Variants in UMOD observed in about 807,000 individuals in gnomAD.
The protein encoded by UMOD is uromodulin.
A neutral mutation model predicts 66.0 loss-of-function variants in UMOD; 64 were observed. That is an observed-to-expected ratio of 0.97 (90% CI 0.79 to 1.19). The LOEUF (loss-of-function observed/expected upper bound fraction) is 1.19, where lower values mean the gene tolerates loss of function less well. Ranked by LOEUF, UMOD falls within the 50% of genes most tolerant of loss-of-function variation. The pLI is 0.00. For missense variants in UMOD, 764 were observed against 850.9 expected, an observed-to-expected ratio of 0.90 and a Z score of 1.27; for synonymous variants, 398 against 352.7, an observed-to-expected ratio of 1.13 and a Z score of -1.44.
chr16:20,350,750 TC>T lies in UMOD; in HGVS notation c.-14del, dbSNP rs764637746. The T allele has an allele frequency of 1.1e-3, 1,856 of 1,614,172 alleles. 5 individuals carry two copies. Among genetic ancestry groups the T allele is most frequent in the Middle Eastern group, 4.1e-3 (25 of 6,062 alleles). On this transcript the variant is annotated 5_prime_UTR_variant, in exon 2 of 11. Coordinates refer to ENST00000396138, the MANE Select transcript of UMOD (RefSeq NM_003361.4). ...ATGGCTGCCCCATCCTTTCTGCTCT[TC>T]CCGCTACTTCAGGTCTAGATAGCAC...
At chr16:20,349,943 T>C (rs1188804976) in intron 2 of UMOD, 6 of 1,462,500 alleles carry the variant, frequency 4.1e-6, no homozygotes, top group East Asian at 2.5e-5. Context: ...TGCCAGGCAA[T>C]AGGATGTGCA....
At position 20,344,058 on chromosome 16, in the gene UMOD, C is replaced by G. The variant is rs773429945; in HGVS notation, c.1297G>C (p.Val433Leu). The change falls in exon 6 of 11, where the codon GTC becomes CTC. Residue 433 changes from valine to leucine, a missense_variant. Coordinates refer to ENST00000396138, the MANE Select transcript of UMOD (RefSeq NM_003361.4). ...FACSYPLDMK[V>L]SLKTALQPMV... is the part of the protein sequence containing the mutation. ...GGCTGTAGGGCGGTCTTCAGGCTGACTTTCATGTCCAGGGGGTAGGAGCAT... is the reference window on the plus strand; with the variant it reads ...GGCTGTAGGGCGGTCTTCAGGCTGAGTTTCATGTCCAGGGGGTAGGAGCAT... 6.2e-7 allele frequency: 1 copy of G among 1,614,012 alleles called. No homozygotes were observed. Among genetic ancestry groups the G allele is most frequent in the South Asian group, 1.1e-5 (1 of 91,062 alleles).
intron 1 of UMOD, among the ~76,000 whole-genome samples, chr16:20,351,762 T>G (rs764964186): frequency 6.6e-6 from 1 of 152,146 alleles, no homozygotes; most frequent in African/African-American, 2.4e-5. Context: ...GGCTCATGCC[T>G]GTAATCCCAA....
chr16:20,333,391 T>G lies in UMOD; in HGVS notation c.1862-16A>C. 1 of 1,608,916 alleles carries G rather than the reference T, an allele frequency of 6.2e-7. No homozygotes were observed. The highest frequency in any genetic ancestry group is 1.1e-5 in the South Asian group (1 of 90,026). On this transcript the variant is annotated splice_polypyrimidine_tract_variant and intron_variant, in intron 10 of 10. Coordinates refer to ENST00000396138, the MANE Select transcript of UMOD (RefSeq NM_003361.4). ...TTCAGGAGCCCTGAAAAGAAAACAG[T>G]GACAGGGCAACTGCTAGTACTGCTG... is the stretch of plus-strand genomic sequence containing the variant.
Position 20,333,331 on chromosome 16 carries a change from T to A in UMOD, c.1906A>T (p.Thr636Ser). The A allele has an allele frequency of 6.2e-7, 1 of 1,613,096 alleles. No homozygotes were observed. The highest frequency in any genetic ancestry group is 2.2e-5 in the East Asian group (1 of 44,832). ...GCTGTCAGTCACTGAAAAGTCAGGG[T>A]CAAGGTGGCCGAGAGAAGCAGAGGC... ...WLPLLLSATL[T>S]LTFQ Residue 636 changes from threonine (T) to serine (S), a missense_variant, in exon 11 of 11, where the codon ACC (threonine) becomes TCC (serine). Transcript: ENST00000396138.
upstream of UMOD, among the ~76,000 whole-genome samples, chr16:20,355,141 C>A (rs906628205): frequency 1.3e-5 from 2 of 152,110 alleles, no homozygotes; most frequent in African/African-American, 4.8e-5. Context: ...CCCAGCAGCT[C>A]TTCCTCTCCC....
chr16:20,346,292 T>C lies in UMOD; in HGVS notation c.1016A>G (p.Asp339Gly). The C allele has an allele frequency of 6.2e-7, 1 of 1,614,246 alleles. No homozygotes were observed. The highest frequency in any genetic ancestry group is 1.3e-5 in the African/African-American group (1 of 75,064). The change falls in exon 5 of 11, where the codon GAC becomes GGC. Residue 339 changes from aspartate (D) to glycine (G), a missense_variant. By Grantham distance (94) the Asp-to-Gly change is moderately conservative. Coordinates refer to ENST00000396138, the MANE Select transcript of UMOD (RefSeq NM_003361.4). ...LEHRLECGAN[D>G]MKVSLGKCQL... ...GCACTTGCCCAGCGACACCTTCATG[T>C]CATTGGCCCCACATTCCAGCCTGTG...
At chr16:20,349,930 A>G in intron 2 of UMOD, 2 of 1,498,698 alleles carry the variant, frequency 1.3e-6, no homozygotes, top group Non-Finnish European at 8.9e-7. Flanking sequence ...AGCAATTACT[A>G]TATGCCAGGC....
In UMOD at chr16:20,348,796, C is replaced by T. The variant is rs758792819; in HGVS notation, c.505G>A (p.Val169Met). ...TGCGCCTGGCACGGATCCGCGCACACGAGCGCGTCGCCCTCGGGCACGCAG... is the reference window on the plus strand; with the variant it reads ...TGCGCCTGGCACGGATCCGCGCACATGAGCGCGTCGCCCTCGGGCACGCAG... ...LDCVPEGDAL[V>M]CADPCQAHRT... Residue 169 changes from valine (V) to methionine (M), a missense_variant, in exon 3 of 11, where the codon GTG (valine) becomes ATG (methionine). Coordinates refer to ENST00000396138, the MANE Select transcript of UMOD (RefSeq NM_003361.4). 5.8e-6 allele frequency: 9 copies of T among 1,544,442 alleles called. No individual in the cohort carries two copies. The African/African-American group carries it at 6.8e-5, about 12-fold the overall frequency.
chr16:20,352,606 A>G, intron 1 of UMOD, 83 bp downstream of exon 1: 1 of 1,098,386 alleles, frequency 9.1e-7, no homozygotes, highest in Non-Finnish European at 1.2e-6. Flanking sequence ...CCCAGTGTCC[A>G]AGGTCTTAAT....
chr16:20,352,826 A>G, upstream of UMOD: 1 of 983,520 alleles, frequency 1.0e-6, no homozygotes, highest in Non-Finnish European at 1.3e-6. Context: ...GGGGTGGAAT[A>G]TTTTTTCCTC....
At chr16:20,338,129 T>C (rs1288539735) in intron 7 of UMOD, among the ~76,000 whole-genome samples, 3 of 152,128 alleles carry the variant, frequency 2.0e-5, no homozygotes, top group Non-Finnish European at 4.4e-5. Flanking sequence ...CTGGGAGTGT[T>C]TTTCACTCTT....
chr16:20,337,549 G>A, intron 7 of UMOD, 96 bp from the exon 8 acceptor site: 3 of 1,516,828 alleles, frequency 2.0e-6, no homozygotes, highest in Non-Finnish European at 2.7e-6. Context: ...CCTTTCAGCT[G>A]TGTGACTTTG....
chr16:20,350,578 A>G, intron 2 of UMOD, 72 bp downstream of exon 2: 2 of 1,577,414 alleles, frequency 1.3e-6, no homozygotes, highest in East Asian at 2.2e-5. Flanking sequence ...CAGGTGCTAC[A>G]TTGCTTCCCC....
intron 10 of UMOD, 23 bp downstream of exon 10, chr16:20,335,459 C>T (rs1404348765): frequency 6.2e-7 from 1 of 1,613,272 alleles, no homozygotes; most frequent in Non-Finnish European, 8.5e-7. Flanking sequence ...ACAGGTCCCA[C>T]TGCAGAAAGG....
At chr16:20,337,623 C>T (rs1459399582) in intron 7 of UMOD, among the ~76,000 whole-genome samples, 170 bp from the exon 8 acceptor site, 1 of 152,104 alleles carries the variant, frequency 6.6e-6, no homozygotes, top group African/African-American at 2.4e-5. Context: ...TGATCGCAGC[C>T]CATGTGATAA....
Position 20,333,315 on chromosome 16 carries a change from C to T in UMOD, c.1922G>A (p.Ter641=). ...GAGCACAGGGCTTTCCGCTGTCAGTCACTGAAAAGTCAGGGTCAAGGTGGC... is the reference window on the plus strand; with the variant it reads ...GAGCACAGGGCTTTCCGCTGTCAGTTACTGAAAAGTCAGGGTCAAGGTGGC... ...LSATLTLTFQ[*] The change falls in exon 11 of 11, where the codon TGA becomes TAA. Residue 641 remains the stop codon, a stop_retained_variant. Coordinates refer to ENST00000396138, the MANE Select transcript of UMOD (RefSeq NM_003361.4). 6.2e-7 allele frequency: 1 copy of T among 1,613,012 alleles called. No homozygotes were observed. Among genetic ancestry groups the T allele is most frequent in the Non-Finnish European group, 8.5e-7 (1 of 1,179,674 alleles).
intron 7 of UMOD, 104 bp downstream of exon 7, chr16:20,340,987 C>T: frequency 8.0e-7 from 1 of 1,246,694 alleles, no homozygotes; most frequent in East Asian, 2.6e-5. Flanking sequence ...GAGCAAGACT[C>T]TGTCAAAAAA....
chr16:20,333,885 T>G (rs1964726161), intron 10 of UMOD, among the ~76,000 whole-genome samples: 1 of 152,006 alleles, frequency 6.6e-6, no homozygotes, highest in Non-Finnish European at 1.5e-5. Flanking sequence ...AATACAAAAA[T>G]TAGCCGGGCG....
Sources: allele counts gnomAD v4.1 joint callset (sites outside exome capture counted in the v4.1 genomes callset), GRCh38; gene constraint gnomAD v4.1.1; transcripts MANE v1.5; gene names NCBI Gene and HGNC (gene_info 2026-07-23, HGNC 2026-07-21).